CA5A: variants seen among roughly 807,000 people sequenced by gnomAD.
CA5A encodes carbonic anhydrase 5A, mitochondrial.
In CA5A, 28 loss-of-function variants were observed where a neutral mutation model predicts 37.1. The ratio of observed to expected loss-of-function variants is 0.75; its 90% CI spans 0.56 to 1.03. CA5A has a LOEUF of 1.03. Among genes scored for constraint, CA5A ranks in the 50% least tolerant of loss-of-function variants. CA5A has a pLI of 0.00. For missense variants in CA5A, 444 were observed against 399.9 expected, an observed-to-expected ratio of 1.11 and a Z score of -0.94; for synonymous variants, 171 against 158.4, an observed-to-expected ratio of 1.08 and a Z score of -0.60.
intron 2 of CA5A, among the ~76,000 whole-genome samples, chr16:87,906,127 G>A (rs2143969321): frequency 6.6e-6 from 1 of 152,362 alleles, no homozygotes; most frequent in East Asian, 1.9e-4. Flanking sequence ...AAGCAGCACA[G>A]CGTGCTCCTG....
intron 2 of CA5A, among the ~76,000 whole-genome samples, chr16:87,920,616 G>C (rs2056217311): frequency 6.7e-6 from 1 of 149,718 alleles, no homozygotes; most frequent in Non-Finnish European, 1.5e-5. Flanking sequence ...GGCCAATTTA[G>C]TCACTTATTT....
chr16:87,932,371 G>A (rs527958252), intron 1 of CA5A, among the ~76,000 whole-genome samples: 2 of 152,210 alleles, frequency 1.3e-5, no homozygotes, highest in South Asian at 4.1e-4. Context: ...GGAAGAGCGG[G>A]TAATTTTAGG....
Position 87,895,016 on chromosome 16 carries a change from G to A in CA5A, c.619-3062C>T, listed in dbSNP as rs985666879. 4.6e-5 allele frequency among the ~76,000 whole-genome samples: 7 copies of A among 152,152 alleles called. No individual in the cohort carries two copies. The South Asian group carries it at 6.2e-4, about 14-fold the overall frequency. On this transcript the variant is annotated intron_variant, in intron 5 of 6. Transcript: ENST00000649794. Reference sequence around the variant, plus strand: ...TGTAATCCCAGCACTTTGGGAGGCCGATGTGGGAGGACTGCTTGAGGCCAG... The same window carrying A: ...TGTAATCCCAGCACTTTGGGAGGCCAATGTGGGAGGACTGCTTGAGGCCAG...
chr16:87,900,159 C>T (rs1170170190), intron 5 of CA5A, among the ~76,000 whole-genome samples: 30 of 152,134 alleles, frequency 2.0e-4, no homozygotes, highest in Non-Finnish European at 4.4e-5. Flanking sequence ...AAGGGTCCTT[C>T]ACAATCAGCT....
intron 5 of CA5A, among the ~76,000 whole-genome samples, chr16:87,896,985 G>T (rs2055811805): frequency 6.6e-6 from 1 of 152,206 alleles, no homozygotes; most frequent in South Asian, 2.1e-4. Context: ...TTTTATGAGC[G>T]TCAAGCCCCA....
intron 3 of CA5A, among the ~76,000 whole-genome samples, chr16:87,902,874 T>C (rs536301834): frequency 6.7e-6 from 1 of 149,752 alleles, no homozygotes; most frequent in East Asian, 2.0e-4. Flanking sequence ...ATTGTGCCAC[T>C]GCACTCCAGC....
Position 87,893,215 on chromosome 16 carries a change from C to A in CA5A, c.619-1261G>T, listed in dbSNP as rs187813230. The A allele has an allele frequency of 1.7e-5, 7 of 421,840 alleles. No homozygotes were observed. In the Admixed American group the frequency reaches 2.7e-4, roughly 16 times the overall value. 26.1% of individuals were successfully genotyped at this position (421,840 alleles called of 1,614,324 possible). A position where few individuals can be genotyped will look rare whatever the true frequency, so the allele number is the denominator to read the frequency against. ...CGATCTCAGCTCACTGCAGCCTCTG[C>A]TTCCTGGGTTCCAGCGATCCTCCTG... is the stretch of plus-strand genomic sequence containing the variant. On this transcript the variant is annotated intron_variant, in intron 5 of 6. Coordinates refer to ENST00000649794, the MANE Select transcript of CA5A (RefSeq NM_001739.2).
intron 2 of CA5A, among the ~76,000 whole-genome samples, chr16:87,915,058 G>A (rs1242465748): frequency 6.6e-6 from 1 of 152,234 alleles, no homozygotes; most frequent in Non-Finnish European, 1.5e-5. Context: ...CACGGACATG[G>A]CCCTCTTCAT....
intron 1 of CA5A, among the ~76,000 whole-genome samples, chr16:87,935,922 C>T (rs2056464853): frequency 1.3e-5 from 2 of 151,224 alleles, no homozygotes; most frequent in Non-Finnish European, 1.5e-5. Context: ...CCTGCAATCC[C>T]AGCACTTTGG....
intron 4 of CA5A, chr16:87,882,371 G>C (rs1442652876): frequency 1.3e-5 from 2 of 152,234 alleles, no homozygotes; most frequent in Non-Finnish European, 2.9e-5. Context: ...ACAAATCAGA[G>C]AAGGCAAGAG....
rs749940049 is a variant in CA5A, at chr16:87,891,909, G to A, written c.664C>T (p.Pro222Ser). Residue 222 changes from proline to serine, a missense_variant, in exon 6 of 7, where the codon CCC becomes TCC. Coordinates refer to ENST00000649794, the MANE Select transcript of CA5A (RefSeq NM_001739.2). The stretch of plus-strand genomic sequence containing the variant: ...TAGGTCCAGTAATCCCAGCAGGTGG[G>A]CAGCAGAGTGGAGGGGTCGAAGGGG... ...MRPFDPSTLL[P>S]TCWDYWTYAG... The A allele has an allele frequency of 5.7e-6, 9 of 1,567,742 alleles. No homozygotes were observed. The highest frequency in any genetic ancestry group is 3.5e-4 in the Middle Eastern group (2 of 5,728).
chr16:87,893,086 TGAAG>T, intron 5 of CA5A: 1 of 805,984 alleles, frequency 1.2e-6, no homozygotes, highest in Non-Finnish European at 2.0e-6. Context: ...CGAGGCTGCC[TGAAG>T]GAACAGTTTG....
intron 6 of CA5A, among the ~76,000 whole-genome samples, chr16:87,890,237 G>T (rs547013452): frequency 6.6e-6 from 1 of 152,022 alleles, no homozygotes; most frequent in Non-Finnish European, 1.5e-5. Context: ...TTCCTGTACC[G>T]CCCCTCCACA....
At chr16:87,907,070 T>A (rs548304884) in intron 2 of CA5A, among the ~76,000 whole-genome samples, 1 of 152,050 alleles carries the variant, frequency 6.6e-6, no homozygotes, top group East Asian at 1.9e-4. Flanking sequence ...TACACAAAAT[T>A]AGCCAGGTGT....
intron 2 of CA5A, among the ~76,000 whole-genome samples, chr16:87,919,805 C>T (rs753112273): frequency 1.1e-4 from 16 of 152,018 alleles, no homozygotes; most frequent in African/African-American, 1.4e-4. Flanking sequence ...CAGGGGGCAG[C>T]GGCGGGTGGG....
rs567224652 is a variant in CA5A, at chr16:87,902,772, C to T, written c.460-252G>A. 2.6e-5 allele frequency among the ~76,000 whole-genome samples: 4 copies of T among 151,490 alleles called. No individual in the cohort carries two copies. The East Asian group carries it at 5.9e-4, about 22-fold the overall frequency. On this transcript the variant is annotated intron_variant, in intron 3 of 6. Coordinates refer to ENST00000649794, the MANE Select transcript of CA5A (RefSeq NM_001739.2). ...ATACAAAAAAAAAAAATTAGCTGGG[C>T]GTGGTGGCGGGAGCCTGTAGTCCCA...
At chr16:87,908,688 G>A (rs2056001475) in intron 2 of CA5A, among the ~76,000 whole-genome samples, 1 of 152,232 alleles carries the variant, frequency 6.6e-6, no homozygotes, top group Non-Finnish European at 1.5e-5. Flanking sequence ...TGCAGGGTAA[G>A]GTGCTGTGCT....
rs2056055454 is a variant in CA5A at position 87,911,712 on chromosome 16, C to T, written c.341-6808G>A. On this transcript the variant is annotated intron_variant, in intron 2 of 6. Coordinates refer to ENST00000649794, the MANE Select transcript of CA5A (RefSeq NM_001739.2). The surrounding 1 kb of genome is among the most constrained non-coding windows in gnomAD (Gnocchi z 4.6). Reference sequence around the variant, plus strand: ...CTCCGCGACGATGGAACCTAGACTGCTCCCTGGAAGTTAGCCTCTGAGACC... The same window carrying T: ...CTCCGCGACGATGGAACCTAGACTGTTCCCTGGAAGTTAGCCTCTGAGACC... 6.6e-6 allele frequency among the ~76,000 whole-genome samples: 1 copy of T among 152,162 alleles called. No individual in the cohort carries two copies. Among genetic ancestry groups the T allele is most frequent in the African/African-American group, 2.4e-5 (1 of 41,426 alleles).
rs548146076 is a variant in CA5A, at chr16:87,891,649, T to C, written c.774+150A>G. On this transcript the variant is annotated intron_variant, in intron 6 of 6. Coordinates refer to ENST00000649794, the MANE Select transcript of CA5A (RefSeq NM_001739.2). ...AATCTCAACAAGCTCCTACTTCAGT[T>C]GGAATTTTCTTCTTGTGTAAGAATG... The C allele has an allele frequency of 4.3e-6, 3 of 705,642 alleles. No homozygotes were observed. In the East Asian group the frequency reaches 1.0e-4, roughly 24 times the overall value. 43.7% of individuals were successfully genotyped at this position (705,642 alleles called of 1,614,324 possible). A position where few individuals can be genotyped will look rare whatever the true frequency, so the allele number is the denominator to read the frequency against.
Sources: allele counts gnomAD v4.1 joint callset (sites outside exome capture counted in the v4.1 genomes callset), GRCh38; gene constraint gnomAD v4.1.1; non-coding constraint Gnocchi (gnomAD v3.1); transcripts MANE v1.5; gene names NCBI Gene and HGNC (gene_info 2026-07-23, HGNC 2026-07-21).